Variants in TG observed in about 807,000 individuals in gnomAD.
TG encodes thyroglobulin.
Under a neutral mutation model 324.7 loss-of-function variants are expected in TG, and 270 were observed. That is an observed-to-expected ratio of 0.83 (90% CI 0.75 to 0.92). The LOEUF (loss-of-function observed/expected upper bound fraction) is 0.92, where lower values mean the gene tolerates loss of function less well. TG is among the 40% of genes least tolerant of loss of function. The pLI, the probability that TG is intolerant of heterozygous loss-of-function variation, is 0.00. For missense variants in TG, 3,591 were observed against 3,456.4 expected (o/e 1.04, Z -0.98); for synonymous variants, 1,401 against 1,327.0 (o/e 1.06, Z -1.21).
In TG at chr8:132,911,531, T is replaced by C. The variant is rs755913115; in HGVS notation, c.4157T>C (p.Ile1386Thr). 4.3e-6 allele frequency: 7 copies of C among 1,611,906 alleles called. No individual in the cohort carries two copies. In the African/African-American group the frequency reaches 9.3e-5, roughly 21 times the overall value. Residue 1386 changes from isoleucine to threonine, a missense_variant and splice_region_variant, in exon 19 of 48, where the codon ATT becomes ACT. Physicochemically the swap from Ile to Thr is moderately conservative, Grantham distance 89. Transcript: ENST00000220616. ...PVASLPDLHDIERALVGKDLL... is the reference protein window; with the variant it reads ...PVASLPDLHDTERALVGKDLL... ...GCTTCTCTTCCTGACTTACATGACA[T>C]TGGTATGTTTTTCTGTGGTAGTACC...
Position 132,886,773 on chromosome 8 carries a change from C to T in TG, c.1401C>T (p.Leu467=), listed in dbSNP as rs565004447. 68 of 1,614,212 alleles carry T rather than the reference C, an allele frequency of 4.2e-5. No individual in the cohort carries two copies. The highest frequency in any genetic ancestry group is 8.5e-7 in the Non-Finnish European group (1 of 1,180,046). ...ALQFTTNPKR[L]QQNLFGGKFL... ...AGTTTACCACCAACCCAAAGAGACT[C>T]CAGCAAAACCTTTTTGGAGGGAAAT... The change falls in exon 9 of 48, where the codon CTC becomes CTT. Residue 467 remains leucine (L), a synonymous_variant. Coordinates refer to ENST00000220616, the MANE Select transcript of TG (RefSeq NM_003235.5).
At chr8:133,103,850 C>T (rs887240521) in intron 43 of TG, among the ~76,000 whole-genome samples, 2 of 152,158 alleles carry the variant, frequency 1.3e-5, no homozygotes, top group African/African-American at 4.8e-5. Context: ...ACAGTTGTAA[C>T]CTAAACAGAT....
chr8:132,926,082 A>T (rs1409745210), intron 22 of TG, among the ~76,000 whole-genome samples: 1 of 152,158 alleles, frequency 6.6e-6, no homozygotes, highest in African/African-American at 2.4e-5. Context: ...CCTCACTGGG[A>T]TGTCAACACA....
chr8:133,013,546 A>G, intron 36 of TG, 54 bp from the exon 37 acceptor site: 1 of 1,608,172 alleles, frequency 6.2e-7, no homozygotes. Flanking sequence ...AGAATGCATG[A>G]GTGAAGTAAC....
chr8:132,883,589 G>T (rs1261106317), intron 8 of TG, among the ~76,000 whole-genome samples: 5 of 152,156 alleles, frequency 3.3e-5, no homozygotes, highest in African/African-American at 1.2e-4. Flanking sequence ...GAAAGGCAGG[G>T]GTAAGACAAT....
At chr8:133,044,402 C>T (rs1259505672) in intron 41 of TG, among the ~76,000 whole-genome samples, 2 of 152,068 alleles carry the variant, frequency 1.3e-5, no homozygotes, top group Non-Finnish European at 2.9e-5. Flanking sequence ...CTGTGAAGGG[C>T]ACAAAAATGA....
intron 37 of TG, 22 bp from the exon 38 acceptor site, chr8:133,017,756 T>C (rs1412602186): frequency 6.2e-7 from 1 of 1,612,602 alleles, no homozygotes; most frequent in African/African-American, 1.3e-5. Context: ...TCCTCACCCC[T>C]TTCTCTTCCC....
At chr8:133,039,900 T>G in intron 41 of TG, 2 of 1,484,498 alleles carry the variant, frequency 1.3e-6, no homozygotes, top group South Asian at 2.6e-5. Context: ...ATGGTTTTCA[T>G]GTGCTCGGCA....
chr8:133,121,916 T>A (rs531131437), intron 45 of TG, among the ~76,000 whole-genome samples: 13 of 152,334 alleles, frequency 8.5e-5, no homozygotes, highest in African/African-American at 3.1e-4. Flanking sequence ...CTAACTCATT[T>A]GATTTTTGGC....
intron 45 of TG, 101 bp downstream of exon 45, chr8:133,116,817 T>C: frequency 2.1e-6 from 2 of 936,608 alleles, no homozygotes; most frequent in South Asian, 2.7e-5. Flanking sequence ...AAGCCTCAGT[T>C]TCCTCATCTG....
chr8:133,043,243 GC>G (rs1241985662), intron 41 of TG, among the ~76,000 whole-genome samples: 1 of 152,046 alleles, frequency 6.6e-6, no homozygotes, highest in African/African-American at 2.4e-5. Context: ...GGTATTTTTG[GC>G]CTGGTAGCCT....
At chr8:133,013,848 GA>G (rs1451567256) in intron 37 of TG, 84 bp downstream of exon 37, 55 of 1,529,444 alleles carry the variant, frequency 3.6e-5, no homozygotes, top group Non-Finnish European at 4.7e-5. Flanking sequence ...TGAGTTGGAG[GA>G]CAGTGGCTTT....
chr8:133,050,187 A>T, intron 41 of TG: 1 of 576,342 alleles, frequency 1.7e-6, no homozygotes, highest in Non-Finnish European at 3.1e-6. Flanking sequence ...ATAGCCCTCC[A>T]TTGCAAGCCA....
chr8:132,968,298 G>A (rs1464911900), intron 31 of TG, among the ~76,000 whole-genome samples: 1 of 152,140 alleles, frequency 6.6e-6, no homozygotes, highest in Non-Finnish European at 1.5e-5. Flanking sequence ...AGTTATTCAT[G>A]TTCCTTGTAG....
intron 29 of TG, among the ~76,000 whole-genome samples, chr8:132,965,803 T>C (rs1828477940): frequency 1.3e-5 from 2 of 152,186 alleles, no homozygotes; most frequent in South Asian, 2.1e-4. Context: ...AACAGTGTGG[T>C]GATGAGCTAG....
At chr8:133,109,674 T>C (rs1850106751) in intron 43 of TG, among the ~76,000 whole-genome samples, 1 of 152,038 alleles carries the variant, frequency 6.6e-6, no homozygotes, top group South Asian at 2.1e-4. Flanking sequence ...CCCCTCAGGA[T>C]GGTTATGGGA....
chr8:133,103,454 C>G (rs530036263), intron 43 of TG, among the ~76,000 whole-genome samples: 14 of 152,108 alleles, frequency 9.2e-5, no homozygotes, highest in Non-Finnish European at 1.8e-4. Flanking sequence ...GCCCTGTGAG[C>G]TGGGATTATG....
intron 35 of TG, chr8:132,988,814 A>T: frequency 1.0e-6 from 1 of 985,402 alleles, no homozygotes; most frequent in Non-Finnish European, 1.2e-6. Context: ...TGCTTCCCAA[A>T]TGTGGGATCT....
chr8:133,081,176 G>A (rs984639839), intron 41 of TG, among the ~76,000 whole-genome samples: 2 of 152,236 alleles, frequency 1.3e-5, no homozygotes, highest in African/African-American at 4.8e-5. Flanking sequence ...ACCAGATAGA[G>A]GTGCTTTTCT....
Sources: gnomAD v4.1 joint callset for allele counts (sites outside exome capture counted in the v4.1 genomes callset) on GRCh38, gnomAD v4.1.1 for gene constraint, MANE v1.5 for transcripts, NCBI Gene and HGNC (gene_info 2026-07-23, HGNC 2026-07-21) for gene names.